IQCB1: variants seen among roughly 807,000 people sequenced by gnomAD.
The protein encoded by IQCB1 is IQ motif containing B1.
IQCB1 carries 56 observed loss-of-function variants against 84.4 expected under a neutral mutation model. The ratio of observed to expected loss-of-function variants is 0.66; its 90% CI spans 0.54 to 0.83. The LOEUF is 0.83. Among genes scored for constraint, IQCB1 ranks in the 40% least tolerant of loss-of-function variants. The pLI is 0.00. For missense variants in IQCB1, 629 were observed against 682.1 expected, an observed-to-expected ratio of 0.92 and a Z score of 0.87; for synonymous variants, 210 against 234.8, an observed-to-expected ratio of 0.89 and a Z score of 0.96.
chr3:121,826,527 G>T (rs1950472106), intron 4 of IQCB1, among the ~76,000 whole-genome samples: 1 of 152,134 alleles, frequency 6.6e-6, no homozygotes, highest in Non-Finnish European at 1.5e-5. Context: ...TTTATGAAAA[G>T]CATTTGTGTT....
intron 10 of IQCB1, among the ~76,000 whole-genome samples, chr3:121,792,406 T>C (rs1444211537): frequency 6.6e-6 from 1 of 151,800 alleles, no homozygotes; most frequent in East Asian, 1.9e-4. Context: ...ACGCTTGTAA[T>C]CCCAGCACTT....
intron 13 of IQCB1, among the ~76,000 whole-genome samples, chr3:121,777,910 CTTT>C (rs1224307296): frequency 3.5e-5 from 5 of 141,756 alleles, no homozygotes; most frequent in Non-Finnish European, 3.1e-5. Flanking sequence ...TTCTTGCCCA[CTTT>C]TTTTTTTTTT....
intron 6 of IQCB1, 26 bp downstream of exon 6, chr3:121,808,889 TA>T: frequency 7.5e-7 from 1 of 1,326,774 alleles, no homozygotes; most frequent in South Asian, 1.2e-5. Context: ...CAATAGCTAT[TA>T]GTTACATTAA....
intron 13 of IQCB1, among the ~76,000 whole-genome samples, chr3:121,774,051 A>C (rs1466896184): frequency 6.7e-6 from 1 of 149,614 alleles, no homozygotes; most frequent in Non-Finnish European, 1.5e-5. Flanking sequence ...AGAACTCCCA[A>C]AACTCTACAA....
chr3:121,803,476 A>G (rs77619956), intron 7 of IQCB1, among the ~76,000 whole-genome samples: 15,705 of 151,920 alleles, frequency 0.1, 859 homozygotes, highest in South Asian at 0.15. Context: ...TAAAATGTCA[A>G]TCAGGTCAGA....
intron 13 of IQCB1, 46 bp from the exon 14 acceptor site, chr3:121,772,759 A>G (rs372453236): frequency 6.9e-6 from 11 of 1,594,364 alleles, no homozygotes; most frequent in Admixed American, 5.0e-5. Flanking sequence ...GGACATAGGT[A>G]TCAAAGTACC....
chr3:121,808,794 G>A (rs985190349), intron 6 of IQCB1, 122 bp downstream of exon 6: 8 of 632,790 alleles, frequency 1.3e-5, no homozygotes, highest in Non-Finnish European at 2.0e-5. Flanking sequence ...ATTTCAACAT[G>A]GTTTCATTTC....
At chr3:121,814,080 C>T (rs1230225563) in intron 5 of IQCB1, among the ~76,000 whole-genome samples, 1 of 152,108 alleles carries the variant, frequency 6.6e-6, no homozygotes, top group Non-Finnish European at 1.5e-5. Context: ...AGTCTCAGTC[C>T]ACGGTGCAAT....
chr3:121,784,905 C>G (rs1948645128), intron 12 of IQCB1, among the ~76,000 whole-genome samples: 1 of 152,108 alleles, frequency 6.6e-6, no homozygotes, highest in South Asian at 2.1e-4. Flanking sequence ...AACTCCTGAG[C>G]TCAAGTGATC....
chr3:121,789,427 T>C (rs1017431166), intron 11 of IQCB1, among the ~76,000 whole-genome samples: 9 of 152,092 alleles, frequency 5.9e-5, no homozygotes, highest in African/African-American at 2.2e-4. Flanking sequence ...GATTTGAGAC[T>C]GCTCAGCACT....
intron 12 of IQCB1, among the ~76,000 whole-genome samples, chr3:121,787,744 C>T (rs1188864639): frequency 2.5e-5 from 3 of 120,316 alleles, no homozygotes; most frequent in South Asian, 4.9e-4. Flanking sequence ...AGCAAGAATC[C>T]GTCTCAAAAA....
intron 10 of IQCB1, among the ~76,000 whole-genome samples, chr3:121,793,521 G>C (rs1443183741): frequency 6.6e-6 from 1 of 152,168 alleles, no homozygotes; most frequent in South Asian, 2.1e-4. Flanking sequence ...GGAAGCAAGA[G>C]ACATTTGCAT....
intron 12 of IQCB1, among the ~76,000 whole-genome samples, chr3:121,784,453 G>T (rs1948629602): frequency 6.6e-6 from 1 of 151,810 alleles, no homozygotes; most frequent in Admixed American, 6.6e-5. Context: ...ATTTTATACG[G>T]TATCTTGGTT....
chr3:121,828,546 G>C lies in IQCB1; in HGVS notation c.187C>G (p.Leu63Val). 6.2e-7 allele frequency: 1 copy of C among 1,609,644 alleles called. No individual in the cohort carries two copies. The highest frequency in any genetic ancestry group is 8.5e-7 in the Non-Finnish European group (1 of 1,176,088). The change falls in exon 4 of 15, where the codon CTC becomes GTC. Residue 63 changes from leucine (L) to valine (V), a missense_variant. Coordinates refer to ENST00000310864, the MANE Select transcript of IQCB1 (RefSeq NM_001023570.4). ...GAATAATCTTGACTGAGGACCAAGA[G>C]GCAATATTGAATGAGATCATAACAA... is the stretch of plus-strand genomic sequence containing the variant. ...IYCYDLIQYC[L>V]LVLSQDYSRI...
chr3:121,825,061 C>CCTTTTTTT (rs1553721685), intron 5 of IQCB1, among the ~76,000 whole-genome samples: 1 of 83,776 alleles, frequency 1.2e-5, no homozygotes. Flanking sequence ...TTTTTCTTTT[C>CCTTTTTTT]TTTTTTTTTT....
chr3:121,793,067 ACTGTGCC>A (rs1352112726), intron 10 of IQCB1, among the ~76,000 whole-genome samples: 1 of 152,182 alleles, frequency 6.6e-6, no homozygotes, highest in African/African-American at 2.4e-5. Context: ...CTGCCAAGAC[ACTGTGCC>A]TCAGAGGGAG....
chr3:121,799,823 T>G (rs183983682), intron 7 of IQCB1, among the ~76,000 whole-genome samples: 1 of 152,046 alleles, frequency 6.6e-6, no homozygotes, highest in Non-Finnish European at 1.5e-5. Context: ...AAACTTAAAA[T>G]CTTTCCTTGG....
At chr3:121,831,852 G>A (rs149746296) in intron 2 of IQCB1, among the ~76,000 whole-genome samples, 1 of 152,140 alleles carries the variant, frequency 6.6e-6, no homozygotes, top group Non-Finnish European at 1.5e-5. Flanking sequence ...TGCAACTCCC[G>A]GCACATAGTA....
At chr3:121,773,482 G>C (rs1369710314) in intron 13 of IQCB1, among the ~76,000 whole-genome samples, 4 of 152,074 alleles carry the variant, frequency 2.6e-5, no homozygotes, top group Non-Finnish European at 5.9e-5. Flanking sequence ...TCATCCAAAG[G>C]ACCATGTTCT....
Sources: allele counts gnomAD v4.1 joint callset (sites outside exome capture counted in the v4.1 genomes callset), GRCh38; gene constraint gnomAD v4.1.1; transcripts MANE v1.5; gene names NCBI Gene and HGNC (gene_info 2026-07-23, HGNC 2026-07-21).